Variants in CES1 observed in about 807,000 individuals in gnomAD.
CES1 encodes the protein carboxylesterase 1.
A neutral mutation model predicts 53.0 loss-of-function variants in CES1; 50 were observed. That is an observed-to-expected ratio of 0.94 (90% CI 0.75 to 1.19). CES1 has a LOEUF of 1.19. Among genes scored for constraint, CES1 ranks in the 50% most tolerant of loss-of-function variants. The pLI, the probability that CES1 is intolerant of heterozygous loss-of-function variation, is 0.00. For synonymous variants in CES1, 202 were observed against 210.1 expected (o/e 0.96, Z 0.33); for missense variants, 534 against 538.0 (o/e 0.99, Z 0.07).
In CES1 at chr16:55,828,535, T is replaced by TG. The variant is rs376975215; in HGVS notation, c.260+231_260+232insC. ...TCCAGGAACCTAGGGATCTTTGCTT[T>TG]TTCACTAATGGATCCCAAGAACCCA... On this transcript the variant is annotated intron_variant, in intron 2 of 13. Coordinates refer to ENST00000360526, the MANE Select transcript of CES1 (RefSeq NM_001025195.2). Among the ~76,000 whole-genome samples the TG allele has an allele frequency of 8.4e-3, 1,279 of 152,102 alleles. 24 individuals carry two copies. The highest frequency in any genetic ancestry group is 0.029 in the African/African-American group (1,215 of 41,344).
intron 2 of CES1, among the ~76,000 whole-genome samples, chr16:55,826,786 A>G (rs1464234182): frequency 6.6e-6 from 1 of 152,150 alleles, no homozygotes; most frequent in Non-Finnish European, 1.5e-5. Flanking sequence ...TGACATGCCA[A>G]GATTCTACCA....
chr16:55,821,282 A>G, intron 5 of CES1, 86 bp downstream of exon 5: 8 of 1,524,636 alleles, frequency 5.2e-6, no homozygotes, highest in Non-Finnish European at 7.3e-6. Flanking sequence ...AATCAGAGGT[A>G]TCCATAGCTG....
Position 55,821,444 on chromosome 16 carries a change from A to G in CES1, c.617T>C (p.Ile206Thr). 10 of 1,614,168 alleles carry G rather than the reference A, an allele frequency of 6.2e-6. No individual in the cohort carries two copies. Among genetic ancestry groups the G allele is most frequent in the Non-Finnish European group, 7.6e-6 (9 of 1,180,030 alleles). ...GCCTGGGTTCCCTCCAAAGCTGGCA[A>G]TGTTGTCCTGGACCCAGCGCAGGGC... is the stretch of plus-strand genomic sequence containing the variant. Reference protein sequence around the residue: ...VAALRWVQDNIASFGGNPGSV... With the variant: ...VAALRWVQDNTASFGGNPGSV... The change falls in exon 5 of 14, where the codon ATT becomes ACT. Residue 206 changes from isoleucine to threonine, a missense_variant. Physicochemically the swap from Ile to Thr is moderately conservative, Grantham distance 89. Transcript: ENST00000360526.
At chr16:55,820,903 A>C (rs1443212628) in intron 5 of CES1, among the ~76,000 whole-genome samples, 1 of 152,116 alleles carries the variant, frequency 6.6e-6, no homozygotes, top group Non-Finnish European at 1.5e-5. Context: ...AGGAATTCCC[A>C]GCCTGCTCAG....
At chr16:55,817,233 G>A (rs1266017084) in intron 7 of CES1, among the ~76,000 whole-genome samples, 7 of 152,162 alleles carry the variant, frequency 4.6e-5, no homozygotes, top group Admixed American at 4.6e-4. Flanking sequence ...TAAGTCTAGA[G>A]TGCTGTTGTC....
intron 6 of CES1, chr16:55,820,105 A>G (rs2032110352): frequency 1.7e-6 from 1 of 591,178 alleles, no homozygotes; most frequent in Non-Finnish European, 3.1e-6. Flanking sequence ...ACTGGCTGCT[A>G]GGGCCATGAG....
intron 8 of CES1, among the ~76,000 whole-genome samples, chr16:55,816,421 G>A (rs1237440505): frequency 6.6e-6 from 1 of 152,238 alleles, no homozygotes. Flanking sequence ...ATTCGTCAGA[G>A]GTGATGTCAC....
At position 55,821,443 on chromosome 16, in the gene CES1, A is replaced by C. The variant is rs1264994886; in HGVS notation, c.618T>G (p.Ile206Met). 2.5e-6 allele frequency: 4 copies of C among 1,614,046 alleles called. No homozygotes were observed. The highest frequency in any genetic ancestry group is 3.4e-6 in the Non-Finnish European group (4 of 1,180,034). Residue 206 changes from isoleucine to methionine, a missense_variant, in exon 5 of 14, where the codon ATT becomes ATG. Physicochemically the swap from Ile to Met is conservative, Grantham distance 10 (BLOSUM62 1). Transcript: ENST00000360526. Reference protein sequence around the residue: ...VAALRWVQDNIASFGGNPGSV... With the variant: ...VAALRWVQDNMASFGGNPGSV... The stretch of plus-strand genomic sequence containing the variant: ...AGCCTGGGTTCCCTCCAAAGCTGGC[A>C]ATGTTGTCCTGGACCCAGCGCAGGG...
intron 2 of CES1, among the ~76,000 whole-genome samples, chr16:55,828,361 A>G (rs1441718560): frequency 3.3e-5 from 5 of 152,224 alleles, no homozygotes; most frequent in Non-Finnish European, 7.3e-5. Context: ...TCAAGACAGC[A>G]GAATTCATGG....
At chr16:55,820,930 A>ACT (rs2032157631) in intron 5 of CES1, among the ~76,000 whole-genome samples, 1 of 152,040 alleles carries the variant, frequency 6.6e-6, no homozygotes, top group African/African-American at 2.4e-5. Context: ...TGTCCCCTCC[A>ACT]CATGTAGGTC....
intron 8 of CES1, among the ~76,000 whole-genome samples, chr16:55,814,687 T>A (rs1408390151): frequency 6.6e-6 from 1 of 152,262 alleles, no homozygotes; most frequent in African/African-American, 2.4e-5. Flanking sequence ...CCCCATGGGC[T>A]GTATTTCCCT....
chr16:55,825,390 C>G (rs747351513), intron 3 of CES1, among the ~76,000 whole-genome samples: 7 of 152,168 alleles, frequency 4.6e-5, no homozygotes, highest in Non-Finnish European at 1.0e-4. Flanking sequence ...GCCAGCAGAC[C>G]CTCCCCACCC....
At chr16:55,822,529 G>A (rs1253144576) in intron 4 of CES1, among the ~76,000 whole-genome samples, 5 of 152,142 alleles carry the variant, frequency 3.3e-5, no homozygotes, top group Non-Finnish European at 4.4e-5. Context: ...GTTGGGGAGG[G>A]GCAGTGGGAG....
chr16:55,821,235 G>A, intron 5 of CES1, 133 bp downstream of exon 5: 1 of 1,201,056 alleles, frequency 8.3e-7, no homozygotes, highest in South Asian at 1.3e-5. Context: ...CCTGATGCTG[G>A]GCTGTGAGTA....
Position 55,828,884 on chromosome 16 carries a change from A to G in CES1, c.143T>C (p.Val48Ala). 6.2e-7 allele frequency: 1 copy of G among 1,614,228 alleles called. No individual in the cohort carries two copies. Among genetic ancestry groups the G allele is most frequent in the Non-Finnish European group, 8.5e-7 (1 of 1,180,022 alleles). The stretch of plus-strand genomic sequence containing the variant: ...AAAAGGGATTCCCAGGAAAATGGCC[A>G]CAGGCTGTGCAAATCCTTCTAAGCT... ...FVSLEGFAQP[V>A]AIFLGIPFAK... The change falls in exon 2 of 14, where the codon GTG (valine) becomes GCG (alanine). Residue 48 changes from valine to alanine, a missense_variant. Val to Ala is a moderately conservative substitution (Grantham distance 64, BLOSUM62 0). Transcript: ENST00000360526.
Position 55,808,399 on chromosome 16 carries a change from G to A in CES1, c.1319-1935C>T, listed in dbSNP as rs571237189. On this transcript the variant is annotated intron_variant, in intron 11 of 13. Transcript: ENST00000360526. ...AATAAGAGAAGCAGAGACAATGAGA[G>A]GGCTAGTCATGGAGGACATGCAGAT... 5.0e-4 allele frequency among the ~76,000 whole-genome samples: 76 copies of A among 152,356 alleles called. No individual in the cohort carries two copies. In the Middle Eastern group the frequency reaches 0.01, roughly 21 times the overall value.
At chr16:55,817,649 AGTGT>A (rs142550141) in intron 7 of CES1, among the ~76,000 whole-genome samples, 1 of 149,370 alleles carries the variant, frequency 6.7e-6, no homozygotes, top group African/African-American at 2.5e-5. Context: ...ACTAGCCAGG[AGTGT>A]GTGTGTGTGT....
At chr16:55,819,452 T>C in intron 7 of CES1, 83 bp downstream of exon 7, 1 of 1,001,720 alleles carries the variant, frequency 1.0e-6, no homozygotes. Context: ...CCCAGGAAAC[T>C]GTCCCTGGGC....
chr16:55,814,672 C>T (rs540485330), intron 8 of CES1, among the ~76,000 whole-genome samples: 1 of 152,224 alleles, frequency 6.6e-6, no homozygotes, highest in African/African-American at 2.4e-5. Flanking sequence ...CTTCCCAGTT[C>T]CACGCCCCAT....
Sources: allele counts gnomAD v4.1 joint callset (sites outside exome capture counted in the v4.1 genomes callset), GRCh38; gene constraint gnomAD v4.1.1; transcripts MANE v1.5; gene names NCBI Gene and HGNC (gene_info 2026-07-23, HGNC 2026-07-21).